The following IL1RAPL2 variants were observed in gnomAD, a reference collection of about 807,000 sequenced individuals.
IL1RAPL2 encodes X-linked interleukin-1 receptor accessory protein-like 2.
IL1RAPL2 carries 3 observed loss-of-function variants against 44.1 expected under a neutral mutation model. The ratio of observed to expected loss-of-function variants is 0.07; its 90% CI spans 0.03 to 0.18. The LOEUF (loss-of-function observed/expected upper bound fraction) is 0.18, where lower values mean the gene tolerates loss of function less well. IL1RAPL2 is among the 10% of genes least tolerant of loss of function. The probability of loss-of-function intolerance (pLI) is 1.00; values close to 1 mark genes in which losing one functional copy is unlikely to be tolerated. For synonymous variants in IL1RAPL2, 181 were observed against 178.8 expected (o/e 1.01, Z -0.10); for missense variants, 391 against 496.4 (o/e 0.79, Z 2.02).
intron 6 of IL1RAPL2, among the ~76,000 whole-genome samples, chrX:105,554,240 T>G (rs1161817986): frequency 1.8e-5 from 2 of 113,011 alleles, no homozygotes; most frequent in East Asian, 5.5e-4. Flanking sequence ...ATTTACATTT[T>G]AACCAAGGAT....
At chrX:104,786,919 T>TTCTCTCTCTCTC (rs58609782) in intron 2 of IL1RAPL2, among the ~76,000 whole-genome samples, 6 of 36,679 alleles carry the variant, frequency 1.6e-4, no homozygotes, top group African/African-American at 6.5e-4. Flanking sequence ...CTCATTCATA[T>TTCTCTCTCTCTC]TCTCTCTCTC....
intron 2 of IL1RAPL2, among the ~76,000 whole-genome samples, chrX:104,963,470 G>A (rs1364105074): frequency 9.0e-6 from 1 of 111,725 alleles, no homozygotes; most frequent in African/African-American, 3.3e-5. Context: ...AAAACATTCT[G>A]ACATCTAGGC....
At chrX:104,658,395 C>T (rs777052831) in intron 1 of IL1RAPL2, among the ~76,000 whole-genome samples, 10 of 111,871 alleles carry the variant, frequency 8.9e-5, no homozygotes, top group Non-Finnish European at 1.7e-4. Context: ...TGTTCTCACT[C>T]ATAGTTGGGA....
chrX:105,137,412 G>A (rs2033086172), intron 2 of IL1RAPL2, among the ~76,000 whole-genome samples: 1 of 111,590 alleles, frequency 9.0e-6, no homozygotes, highest in African/African-American at 3.3e-5. Context: ...ATAACTATTT[G>A]ACACACTGGG....
chrX:105,540,770 AATATAT>A (rs1192923957), intron 6 of IL1RAPL2, among the ~76,000 whole-genome samples: 2 of 82,127 alleles, frequency 2.4e-5, no homozygotes, highest in Admixed American at 3.4e-4. Context: ...TGCTTCTTGG[AATATAT>A]ATATATATAT....
chrX:105,455,589 A>G (rs148860067), intron 5 of IL1RAPL2, among the ~76,000 whole-genome samples: 1,785 of 111,636 alleles, frequency 0.016, 44 homozygotes, highest in African/African-American at 0.056. Flanking sequence ...TCTTTTCCCC[A>G]TTGCTTGTTT....
rs181091340 is a variant in IL1RAPL2 at position 105,181,399 on chromosome X, G to A, written c.83-14076G>A. On this transcript the variant is annotated intron_variant, in intron 2 of 10. Transcript: ENST00000372582. ...TGTTCTTGCTTTTTAGTTCCTTGAG[G>A]TGTATTGTTAGGTTGTTCATTTGGC... Among the ~76,000 whole-genome samples, 299 of 111,450 alleles carry A rather than the reference G, an allele frequency of 2.7e-3. 2 individuals carry two copies. The highest frequency in any genetic ancestry group is 4.3e-3 in the Non-Finnish European group (226 of 53,062).
intron 5 of IL1RAPL2, among the ~76,000 whole-genome samples, chrX:105,369,629 G>A (rs774539257): frequency 6.1e-4 from 68 of 111,464 alleles, no homozygotes; most frequent in Non-Finnish European, 1.1e-3. Context: ...TTGAACCTGG[G>A]GAGATAGCTG....
At chrX:105,102,568 G>A (rs975815913) in intron 2 of IL1RAPL2, among the ~76,000 whole-genome samples, 12 of 111,998 alleles carry the variant, frequency 1.1e-4, no homozygotes, top group Non-Finnish European at 2.3e-4. Flanking sequence ...TGGGCTACAT[G>A]TTAGGGCATT....
intron 2 of IL1RAPL2, among the ~76,000 whole-genome samples, chrX:105,157,313 A>G (rs745316257): frequency 9.1e-6 from 1 of 110,244 alleles, no homozygotes; most frequent in Non-Finnish European, 1.9e-5. Flanking sequence ...CCTTTTCCCC[A>G]CATATCTGCA....
chrX:105,476,535 A>G (rs144468655), intron 5 of IL1RAPL2, among the ~76,000 whole-genome samples: 3 of 111,812 alleles, frequency 2.7e-5, no homozygotes, highest in Non-Finnish European at 3.8e-5. Context: ...CAAATGTTCT[A>G]TTATAGCTGG....
chrX:105,614,748 A>G (rs981179927), intron 6 of IL1RAPL2, among the ~76,000 whole-genome samples: 1 of 111,980 alleles, frequency 8.9e-6, no homozygotes, highest in African/African-American at 3.2e-5. Context: ...CATTAGAGAA[A>G]CTCTAGGACA....
chrX:105,728,672 C>CT (rs1297698509), intron 7 of IL1RAPL2, among the ~76,000 whole-genome samples: 5 of 111,064 alleles, frequency 4.5e-5, no homozygotes, highest in Non-Finnish European at 7.6e-5. Flanking sequence ...TTGTTAATGT[C>CT]TTGACTTAGT....
chrX:105,572,726 C>A (rs1270959048), intron 6 of IL1RAPL2, among the ~76,000 whole-genome samples: 1 of 111,403 alleles, frequency 9.0e-6, no homozygotes, highest in Non-Finnish European at 1.9e-5. Flanking sequence ...TTATTTATGG[C>A]CATTTTTGCA....
chrX:105,380,919 TA>T (rs1319345783), intron 5 of IL1RAPL2, among the ~76,000 whole-genome samples: 6 of 111,165 alleles, frequency 5.4e-5, no homozygotes, highest in Non-Finnish European at 9.4e-5. Flanking sequence ...GCAGAGGTAA[TA>T]GGGGGATGAA....
intron 5 of IL1RAPL2, among the ~76,000 whole-genome samples, chrX:105,308,260 A>G (rs1244547227): frequency 8.9e-6 from 1 of 111,968 alleles, no homozygotes; most frequent in Non-Finnish European, 1.9e-5. Context: ...TAAGACTAAA[A>G]TATGCAGAAA....
chrX:104,671,599 C>T (rs959575468), intron 2 of IL1RAPL2, among the ~76,000 whole-genome samples: 9 of 111,637 alleles, frequency 8.1e-5, no homozygotes, highest in East Asian at 2.8e-4. Context: ...GTTATTTGTA[C>T]GTCTGTCTTT....
chrX:105,708,925 T>A (rs2038186254), intron 6 of IL1RAPL2, among the ~76,000 whole-genome samples: 2 of 112,397 alleles, frequency 1.8e-5, no homozygotes. Flanking sequence ...AATTTTAAAC[T>A]ATTAATTCAA....
chrX:105,219,620 C>T, intron 3 of IL1RAPL2: 1 of 1,210,717 alleles, frequency 8.3e-7, no homozygotes, highest in Non-Finnish European at 1.1e-6. Flanking sequence ...TCTTCTGCTC[C>T]TTTTCCTCCA....
Sources: allele counts gnomAD v4.1 joint callset (sites outside exome capture counted in the v4.1 genomes callset), GRCh38; gene constraint gnomAD v4.1.1; transcripts MANE v1.5; gene names NCBI Gene and HGNC (gene_info 2026-07-23, HGNC 2026-07-21).